ACTG2: variants seen among roughly 807,000 people sequenced by gnomAD.
ACTG2 encodes the protein actin gamma 2, smooth muscle, also known as actin, gamma-enteric smooth muscle.
ACTG2 carries 16 observed loss-of-function variants against 37.6 expected under a neutral mutation model. The ratio of observed to expected loss-of-function variants is 0.43; its 90% CI spans 0.29 to 0.65. ACTG2 has a LOEUF of 0.65. Ranked by LOEUF, ACTG2 falls within the 30% of genes least tolerant of loss-of-function variation. ACTG2 has a pLI of 0.18. For missense variants in ACTG2, 238 were observed against 490.9 expected, an observed-to-expected ratio of 0.48 and a Z score of 4.87; for synonymous variants, 181 against 179.9, an observed-to-expected ratio of 1.01 and a Z score of -0.05.
chr2:73,902,633 C>T (rs1468560008), intron 3 of ACTG2, 145 bp downstream of exon 3: 1 of 1,552,360 alleles, frequency 6.4e-7, no homozygotes, highest in South Asian at 1.2e-5. Flanking sequence ...GCCCCACGAC[C>T]ATTTCTCCAA....
At chr2:73,895,327 T>C (rs1679723398) in intron 1 of ACTG2, among the ~76,000 whole-genome samples, 1 of 152,088 alleles carries the variant, frequency 6.6e-6, no homozygotes, top group African/African-American at 2.4e-5. Context: ...CCACGACAGA[T>C]TGTGGAGGAT....
At position 73,919,669 on chromosome 2, in the gene ACTG2, C is replaced by A; in HGVS notation, c.*94C>A. ...ACAAGCCTTACTTCTCTGTGTGGGGCTCTTTTTTCCTGGGCTATGTCTCAT... is the reference window on the plus strand; with the variant it reads ...ACAAGCCTTACTTCTCTGTGTGGGGATCTTTTTTCCTGGGCTATGTCTCAT... On this transcript the variant is annotated 3_prime_UTR_variant, in exon 9 of 9. Coordinates refer to ENST00000345517, the MANE Select transcript of ACTG2 (RefSeq NM_001615.4). The A allele has an allele frequency of 7.1e-7, 1 of 1,407,466 alleles. No individual in the cohort carries two copies. The highest frequency in any genetic ancestry group is 9.6e-7 in the Non-Finnish European group (1 of 1,038,310). 87.2% of individuals were successfully genotyped at this position (1,407,466 alleles called of 1,614,324 possible).
Position 73,909,223 on chromosome 2 carries a change from A to G in ACTG2, c.451+84A>G, listed in dbSNP as rs915944135. 5.5e-6 allele frequency: 7 copies of G among 1,267,860 alleles called. No individual in the cohort carries two copies. The African/African-American group carries it at 7.4e-5, about 13-fold the overall frequency. The allele number at this position is 1,267,860 out of a possible 1,614,324, so 78.5% of individuals were successfully genotyped here. ...GGTCTGGCAGAGGCTCCTGCTCAGA[A>G]GAATCAAATGGACAGCTGAAGTCCA... On this transcript the variant is annotated intron_variant, in intron 5 of 8. Coordinates refer to ENST00000345517, the MANE Select transcript of ACTG2 (RefSeq NM_001615.4).
chr2:73,908,603 TG>T, intron 3 of ACTG2, 69 bp from the exon 4 acceptor site: 1 of 1,294,052 alleles, frequency 7.7e-7, no homozygotes, highest in Non-Finnish European at 1.1e-6. Flanking sequence ...TCTCCCAGCA[TG>T]GGAATGTCAA....
chr2:73,899,711 G>A (rs140481898), intron 1 of ACTG2, among the ~76,000 whole-genome samples: 127 of 152,228 alleles, frequency 8.3e-4, no homozygotes, highest in African/African-American at 2.9e-3. Context: ...TGAGGCAGCC[G>A]CAAATATACC....
At chr2:73,913,849 G>C (rs184711215) in intron 6 of ACTG2, among the ~76,000 whole-genome samples, 2 of 152,294 alleles carry the variant, frequency 1.3e-5, no homozygotes, top group East Asian at 3.9e-4. Flanking sequence ...GAGACCAGCT[G>C]CCTCTGTCCA....
chr2:73,905,966 A>G (rs1680006780), intron 3 of ACTG2, among the ~76,000 whole-genome samples: 2 of 151,662 alleles, frequency 1.3e-5, no homozygotes. Context: ...TTTATTATGA[A>G]AAGTAAAATA....
intron 4 of ACTG2, 60 bp from the exon 5 acceptor site, chr2:73,908,995 C>A (rs1397791807): frequency 6.6e-7 from 1 of 1,513,858 alleles, no homozygotes; most frequent in Non-Finnish European, 9.2e-7. Context: ...AACCATTCTA[C>A]AGGCCAAGAA....
chr2:73,901,575 TGTGTGTCTGTGC>T (rs1679881125), intron 2 of ACTG2, 138 bp downstream of exon 2: 4 of 93,088 alleles, frequency 4.3e-5, no homozygotes, highest in Non-Finnish European at 6.9e-5. Flanking sequence ...TGTGTGTGTG[TGTGTGTCTGTGC>T]GTGTGTGTGT....
chr2:73,916,227 T>C, intron 7 of ACTG2, among the ~76,000 whole-genome samples: 1 of 151,844 alleles, frequency 6.6e-6, no homozygotes, highest in East Asian at 1.9e-4. Flanking sequence ...AATACAAAAT[T>C]TAGCTGGGCG....
In ACTG2 at chr2:73,919,606, G is replaced by C. The variant is rs376557233; in HGVS notation, c.*31G>C. 1.1e-5 allele frequency: 18 copies of C among 1,606,942 alleles called. No homozygotes were observed. The East Asian group carries it at 3.8e-4, about 34-fold the overall frequency. On this transcript the variant is annotated 3_prime_UTR_variant, in exon 9 of 9. Transcript: ENST00000345517. ...GAACAGGTTCTCCAAGGATCCCCTC[G>C]AGACTACTCTGTTACCAGTCATGAA...
intron 5 of ACTG2, 25 bp from the exon 6 acceptor site, chr2:73,913,460 T>C (rs1680189109): frequency 6.4e-7 from 1 of 1,552,398 alleles, no homozygotes. Context: ...GAGAATTTTA[T>C]AAGCCTGATC....
At position 73,898,837 on chromosome 2, in the gene ACTG2, C is replaced by G. The variant is rs1416831813; in HGVS notation, c.-36-2439C>G. Among the ~76,000 whole-genome samples, 3 of 124,488 alleles carry G rather than the reference C, an allele frequency of 2.4e-5. No homozygotes were observed. In the South Asian group the frequency reaches 7.8e-4, roughly 32 times the overall value. 81.7% of individuals were successfully genotyped at this position (124,488 alleles called of 152,430 possible). A position where few individuals can be genotyped will look rare whatever the true frequency, so the allele number is the denominator to read the frequency against. ...TTTTTTTTTGAGATGGAGTCTTGCT[C>G]TGTTGCCCAGGCTGGAGTGCAGTGG... is the stretch of plus-strand genomic sequence containing the variant. On this transcript the variant is annotated intron_variant, in intron 1 of 8. Transcript: ENST00000345517.
chr2:73,911,349 A>G (rs1680132161), intron 5 of ACTG2, among the ~76,000 whole-genome samples: 1 of 152,094 alleles, frequency 6.6e-6, no homozygotes, highest in African/African-American at 2.4e-5. Context: ...ACAAAAAGTT[A>G]GCCGGGCATT....
At chr2:73,918,909 C>T (rs571599315) in intron 8 of ACTG2, among the ~76,000 whole-genome samples, 9 of 152,246 alleles carry the variant, frequency 5.9e-5, no homozygotes, top group South Asian at 2.1e-4. Flanking sequence ...AACAAACAAC[C>T]GTGGAATCTC....
intron 1 of ACTG2, among the ~76,000 whole-genome samples, chr2:73,896,001 T>C (rs893979761): frequency 7.2e-5 from 11 of 152,096 alleles, no homozygotes; most frequent in African/African-American, 2.4e-4. Flanking sequence ...TTTCCATGGG[T>C]CATGAAATAT....
At chr2:73,911,759 G>A (rs116161570) in intron 5 of ACTG2, among the ~76,000 whole-genome samples, 5 of 152,304 alleles carry the variant, frequency 3.3e-5, no homozygotes, top group South Asian at 2.1e-4. Context: ...TATGTGGTCC[G>A]AAGTTGACCA....
chr2:73,903,275 G>A (rs1447779589), intron 3 of ACTG2: 1 of 153,806 alleles, frequency 6.5e-6, no homozygotes, highest in East Asian at 1.9e-4. Context: ...GGGGCTTATT[G>A]AGCAGACTGC....
Position 73,901,402 on chromosome 2 carries a change from G to A in ACTG2, c.91G>A (p.Val31Ile). The stretch of plus-strand genomic sequence containing the variant: ...CGCAGGAGATGATGCCCCCCGGGCT[G>A]TCTTCCCCTCCATTGTGGGCCGCCC... ...GFAGDDAPRA[V>I]FPSIVGRPRH... The change falls in exon 2 of 9, where the codon GTC becomes ATC. Residue 31 changes from valine to isoleucine, a missense_variant. Val to Ile is a conservative substitution (Grantham distance 29). Coordinates refer to ENST00000345517, the MANE Select transcript of ACTG2 (RefSeq NM_001615.4). 5 of 1,614,200 alleles carry A rather than the reference G, an allele frequency of 3.1e-6. No individual in the cohort carries two copies. Among genetic ancestry groups the A allele is most frequent in the Non-Finnish European group, 4.2e-6 (5 of 1,180,034 alleles).
Sources: allele counts gnomAD v4.1 joint callset (sites outside exome capture counted in the v4.1 genomes callset), GRCh38; gene constraint gnomAD v4.1.1; transcripts MANE v1.5; gene names NCBI Gene and HGNC (gene_info 2026-07-23, HGNC 2026-07-21).